The following AGAP1 variants were observed in gnomAD, a reference collection of about 807,000 sequenced individuals.
AGAP1 encodes the protein ArfGAP with GTPase domain, ankyrin repeat and PH domain 1, also known as arf-GAP with GTPase, ANK repeat and PH domain-containing protein 1.
A neutral mutation model predicts 105.3 loss-of-function variants in AGAP1; 29 were observed. The observed-to-expected ratio is 0.28, with a 90% CI of 0.21 to 0.38. The LOEUF (loss-of-function observed/expected upper bound fraction) is 0.38, where lower values mean the gene tolerates loss of function less well. Among genes scored for constraint, AGAP1 ranks in the 10% least tolerant of loss-of-function variants. The pLI is 1.00. For missense variants in AGAP1, 998 were observed against 1,165.1 expected, an observed-to-expected ratio of 0.86 and a Z score of 2.09; for synonymous variants, 509 against 485.9, an observed-to-expected ratio of 1.05 and a Z score of -0.63.
In AGAP1 at chr2:235,566,712, A is replaced by G; in HGVS notation, c.163+71863A>G. 1.4e-6 allele frequency: 1 copy of G among 697,302 alleles called. No homozygotes were observed. The highest frequency in any genetic ancestry group is 1.8e-6 in the Non-Finnish European group (1 of 566,956). 43.2% of individuals were successfully genotyped at this position (697,302 alleles called of 1,614,324 possible). On this transcript the variant is annotated intron_variant, in intron 1 of 17. Transcript: ENST00000304032. This position sits in a 1 kb window ranked among gnomAD's most constrained non-coding sequence, Gnocchi z 5.2. ...AGGAACACAGGATGCATATTCAGGC[A>G]GGAAGTTGTTGGGGTTAACATGAGT... is the stretch of plus-strand genomic sequence containing the variant.
At position 235,830,357 on chromosome 2, in the gene AGAP1, G is replaced by A. The variant is rs1482301815; in HGVS notation, c.1050+23026G>A. ...CTCATGTCAGTGAGGAGATAGATGT[G>A]TGCTGTCACTTAGCAGTGTCCACTG... is the stretch of plus-strand genomic sequence containing the variant. On this transcript the variant is annotated intron_variant, in intron 9 of 17. Coordinates refer to ENST00000304032, the MANE Select transcript of AGAP1 (RefSeq NM_001037131.3). This position sits in a 1 kb window ranked among gnomAD's most constrained non-coding sequence, Gnocchi z 5.5. Among the ~76,000 whole-genome samples, 2 of 152,234 alleles carry A rather than the reference G, an allele frequency of 1.3e-5. No individual in the cohort carries two copies. The highest frequency in any genetic ancestry group is 2.9e-5 in the Non-Finnish European group (2 of 68,040).
intron 13 of AGAP1, among the ~76,000 whole-genome samples, chr2:236,010,378 C>T (rs953732557): frequency 3.3e-5 from 5 of 152,176 alleles, no homozygotes; most frequent in Admixed American, 2.0e-4. Context: ...TTACAAGGAG[C>T]TGAGTATATT....
intron 13 of AGAP1, among the ~76,000 whole-genome samples, chr2:236,026,925 A>G (rs1370045523): frequency 1.3e-5 from 2 of 152,062 alleles, no homozygotes; most frequent in Non-Finnish European, 2.9e-5. Context: ...TTTAAATGTT[A>G]ATTTGTTTTT....
In AGAP1 at chr2:235,616,684, C is replaced by G. The variant is rs10173984; in HGVS notation, c.164-92495C>G. Among the ~76,000 whole-genome samples, 365 of 152,232 alleles carry G rather than the reference C, an allele frequency of 2.4e-3. 2 individuals carry two copies. Among genetic ancestry groups the G allele is most frequent in the African/African-American group, 8.6e-3 (356 of 41,580 alleles). On this transcript the variant is annotated intron_variant, in intron 1 of 17. Transcript: ENST00000304032. ...TTCCTGCCCCACCTGTGGTTTCATT[C>G]TGCCCAGTTGTGTTCAACTTGAAAA... is the stretch of plus-strand genomic sequence containing the variant.
chr2:235,526,646 C>T (rs974753447), intron 1 of AGAP1, among the ~76,000 whole-genome samples: 1 of 143,100 alleles, frequency 7.0e-6, no homozygotes, highest in Non-Finnish European at 1.5e-5. Context: ...AAAGTTTTTA[C>T]AAGTAATAAG....
rs35269795 is a variant in AGAP1, at chr2:235,720,768, T to TGG, written c.310+3126_310+3127dup. ...CCCGTGGCTGGGATATGTAGACTGC[T>TGG]GGGAGGGGTGAGGGTGAGGGCCTTC... On this transcript the variant is annotated intron_variant, in intron 3 of 17. Transcript: ENST00000304032. The surrounding 1 kb of genome is among the most constrained non-coding windows in gnomAD (Gnocchi z 5.0). 2.3e-5 allele frequency: 22 copies of TGG among 951,734 alleles called. No individual in the cohort carries two copies. Among genetic ancestry groups the TGG allele is most frequent in the Non-Finnish European group, 2.5e-5 (20 of 799,502 alleles). The allele number at this position is 951,734 out of a possible 1,614,324, so 59.0% of individuals were successfully genotyped here. A position where few individuals can be genotyped will look rare whatever the true frequency, so the allele number is the denominator to read the frequency against.
At chr2:235,899,801 C>G (rs1250056423) in intron 10 of AGAP1, among the ~76,000 whole-genome samples, 1 of 151,992 alleles carries the variant, frequency 6.6e-6, no homozygotes, top group Non-Finnish European at 1.5e-5. Flanking sequence ...CCGAGGCATG[C>G]ATCGTACAGG....
chr2:236,127,471 G>C lies in AGAP1; in HGVS notation c.*3349G>C, dbSNP rs750896026. The C allele has an allele frequency of 1.3e-5, 2 of 152,318 alleles. No individual in the cohort carries two copies. The highest frequency in any genetic ancestry group is 1.9e-4 in the East Asian group (1 of 5,190). 9.4% of individuals were successfully genotyped at this position (152,318 alleles called of 1,614,324 possible). A position where few individuals can be genotyped will look rare whatever the true frequency, so the allele number is the denominator to read the frequency against. On this transcript the variant is annotated 3_prime_UTR_variant, in exon 18 of 18. Transcript: ENST00000304032. This position sits in a 1 kb window ranked among gnomAD's most constrained non-coding sequence, Gnocchi z 6.6. ...GAAGGCAGCGGGTCACTCGCCAATC[G>C]CAGGGTTCTCAGACACAGGAGAGAG... is the stretch of plus-strand genomic sequence containing the variant.
At chr2:235,987,230 AG>A (rs2055353119) in intron 13 of AGAP1, among the ~76,000 whole-genome samples, 1 of 151,770 alleles carries the variant, frequency 6.6e-6, no homozygotes, top group African/African-American at 2.4e-5. Context: ...TAGTCTTGGT[AG>A]GATGTATGTG....
intron 8 of AGAP1, among the ~76,000 whole-genome samples, chr2:235,802,424 C>T (rs1168686233): frequency 6.6e-6 from 1 of 152,270 alleles, no homozygotes; most frequent in East Asian, 1.9e-4. Flanking sequence ...TTATCTTTCT[C>T]CTTAATCTTG....
chr2:235,554,038 A>T (rs1205932475), intron 1 of AGAP1, among the ~76,000 whole-genome samples: 2 of 152,212 alleles, frequency 1.3e-5, no homozygotes, highest in African/African-American at 4.8e-5. Context: ...CTTATTTGTA[A>T]CTAATACCAC....
chr2:235,613,120 T>C (rs1946193898), intron 1 of AGAP1, among the ~76,000 whole-genome samples: 2 of 150,834 alleles, frequency 1.3e-5, no homozygotes, highest in South Asian at 4.3e-4. Flanking sequence ...CTCTGCCTCC[T>C]GAGTAGCTGG....
At chr2:235,912,925 A>G (rs192925186) in intron 11 of AGAP1, among the ~76,000 whole-genome samples, 3 of 152,300 alleles carry the variant, frequency 2.0e-5, no homozygotes, top group East Asian at 3.9e-4. Context: ...TGTGTTTCTT[A>G]CGTTGTAATT....
intron 1 of AGAP1, among the ~76,000 whole-genome samples, chr2:235,554,341 G>T (rs1056281540): frequency 4.6e-5 from 7 of 152,220 alleles, no homozygotes; most frequent in African/African-American, 1.7e-4. Context: ...AGTGACATTT[G>T]TTTTGAGGTC....
chr2:235,773,979 C>G (rs868453849), intron 6 of AGAP1: 6 of 470,580 alleles, frequency 1.3e-5, no homozygotes, highest in Middle Eastern at 3.2e-4. Flanking sequence ...CTTTTTTTCC[C>G]CCTCTAAGAT....
chr2:236,072,125 G>GTTT (rs11342740), intron 16 of AGAP1, among the ~76,000 whole-genome samples: 19 of 111,956 alleles, frequency 1.7e-4, no homozygotes, highest in African/African-American at 3.5e-4. Flanking sequence ...TTCGTTGTGG[G>GTTT]TTTTTTTTTT....
intron 9 of AGAP1, among the ~76,000 whole-genome samples, chr2:235,833,855 G>GT (rs77488721): frequency 0.49 from 60,815 of 124,854 alleles, 15,813 homozygotes; most frequent in East Asian, 0.75. Context: ...CTCCAATCTG[G>GT]TTTTTTTTTT....
At chr2:236,049,434 A>T in intron 16 of AGAP1, 153 bp downstream of exon 16, 1 of 698,342 alleles carries the variant, frequency 1.4e-6, no homozygotes, top group Non-Finnish European at 2.3e-6. Flanking sequence ...GTCTGTGTTT[A>T]AAGTTGGTCT....
intron 12 of AGAP1, among the ~76,000 whole-genome samples, chr2:235,956,569 G>A (rs2053960221): frequency 1.3e-5 from 2 of 152,242 alleles, no homozygotes; most frequent in African/African-American, 4.8e-5. Flanking sequence ...AACGGATGGG[G>A]TGCAAAGAAA....
Sources: allele counts gnomAD v4.1 joint callset (sites outside exome capture counted in the v4.1 genomes callset), GRCh38; gene constraint gnomAD v4.1.1; non-coding constraint Gnocchi (gnomAD v3.1); transcripts MANE v1.5; gene names NCBI Gene and HGNC (gene_info 2026-07-23, HGNC 2026-07-21).